ELFN1: variants seen among roughly 807,000 people sequenced by gnomAD.
ELFN1 encodes protein ELFN1.
ELFN1 carries 6 observed loss-of-function variants against 7.6 expected under a neutral mutation model. The observed-to-expected ratio is 0.79, with a 90% CI of 0.43 to 1.56. ELFN1 has a LOEUF of 1.56. Among genes scored for constraint, ELFN1 ranks in the 40% most tolerant of loss-of-function variants. The pLI, the probability that ELFN1 is intolerant of heterozygous loss-of-function variation, is 0.01. For missense variants in ELFN1, 1,169 were observed against 1,232.2 expected (o/e 0.95, Z 0.77); for synonymous variants, 657 against 588.1 (o/e 1.12, Z -1.70).
At position 1,746,083 on chromosome 7, in the gene ELFN1, G is replaced by A. The variant is rs749120379; in HGVS notation, c.1487G>A (p.Arg496His). ...GPLLGPEAVT[R>H]IPYLPAAGEV... is the part of the protein sequence containing the mutation. Reference sequence around the variant, plus strand: ...CTGCTGGGCCCCGAGGCCGTGACGCGCATCCCTTACCTGCCTGCGGCCGGC... The same window carrying A: ...CTGCTGGGCCCCGAGGCCGTGACGCACATCCCTTACCTGCCTGCGGCCGGC... The change falls in exon 4 of 4, where the codon CGC becomes CAC. Residue 496 changes from arginine (R) to histidine (H), a missense_variant. Physicochemically the swap from Arg to His is conservative, Grantham distance 29 (BLOSUM62 0). Coordinates refer to ENST00000424383, the MANE Select transcript of ELFN1 (RefSeq NM_001128636.4). 1.4e-5 allele frequency: 22 copies of A among 1,546,964 alleles called. No individual in the cohort carries two copies. The highest frequency in any genetic ancestry group is 4.9e-5 in the East Asian group (2 of 40,796).
In ELFN1 at chr7:1,673,695, TC is replaced by T. The variant is rs1388282942; in HGVS notation, c.-549+3345del. On this transcript the variant is annotated intron_variant, in intron 1 of 3. Transcript: ENST00000424383. This position sits in a 1 kb window ranked among gnomAD's most constrained non-coding sequence, Gnocchi z 4.7. ...GAGCCTGGCTGCCTTGGAGCTGGCA[TC>T]CCCAGATGGAAAGACAATGGTCTCA... is the stretch of plus-strand genomic sequence containing the variant. Among the ~76,000 whole-genome samples, 2 of 152,146 alleles carry T rather than the reference TC, an allele frequency of 1.3e-5. No individual in the cohort carries two copies. Among genetic ancestry groups the T allele is most frequent in the Non-Finnish European group, 2.9e-5 (2 of 68,000 alleles).
At chr7:1,697,262 ATGGACAC>A (rs1779336491) in intron 2 of ELFN1, among the ~76,000 whole-genome samples, 1 of 152,168 alleles carries the variant, frequency 6.6e-6, no homozygotes, top group Non-Finnish European at 1.5e-5. Context: ...ATTCCCATCC[ATGGACAC>A]GCACAGGGCC....
At chr7:1,741,893 C>A (rs554935653) in intron 3 of ELFN1, among the ~76,000 whole-genome samples, 1 of 152,198 alleles carries the variant, frequency 6.6e-6, no homozygotes, top group Admixed American at 6.5e-5. Flanking sequence ...CTGCCCAGGG[C>A]CCCAGTGAGC....
At chr7:1,727,522 A>G (rs1368122244) in intron 3 of ELFN1, among the ~76,000 whole-genome samples, 1 of 152,112 alleles carries the variant, frequency 6.6e-6, no homozygotes, top group Non-Finnish European at 1.5e-5. Flanking sequence ...GGTAGCCCCA[A>G]GCTGTCTCCC....
intron 3 of ELFN1, among the ~76,000 whole-genome samples, chr7:1,711,592 GA>G: frequency 1.4e-5 from 2 of 145,392 alleles, no homozygotes; most frequent in South Asian, 4.4e-4. Context: ...GAGAGAGAGA[GA>G]GAGAGAGAGA....
intron 2 of ELFN1, among the ~76,000 whole-genome samples, chr7:1,703,635 T>C (rs1779472119): frequency 6.6e-6 from 1 of 152,162 alleles, no homozygotes; most frequent in Admixed American, 6.5e-5. Context: ...GTCTCTGGGC[T>C]CAGCTTCCTC....
intron 1 of ELFN1, among the ~76,000 whole-genome samples, chr7:1,679,121 C>T (rs911587418): frequency 6.6e-6 from 1 of 152,098 alleles, no homozygotes; most frequent in Non-Finnish European, 1.5e-5. Context: ...AGAGCCCACC[C>T]CCCACATACA....
At chr7:1,688,198 TTA>T (rs1168398037) in intron 2 of ELFN1, 48 bp downstream of exon 2, 1 of 152,126 alleles carries the variant, frequency 6.6e-6, no homozygotes, top group Admixed American at 6.5e-5. Flanking sequence ...GTTGCATTCT[TTA>T]TATGTTTGTA....
At chr7:1,700,792 C>G (rs1779410250) in intron 2 of ELFN1, among the ~76,000 whole-genome samples, 1 of 152,248 alleles carries the variant, frequency 6.6e-6, no homozygotes, top group Non-Finnish European at 1.5e-5. Context: ...TGCTTGAAGC[C>G]TCGCCGGTCT....
intron 3 of ELFN1, chr7:1,742,310 C>G (rs560193464): frequency 6.6e-6 from 1 of 152,276 alleles, no homozygotes; most frequent in Non-Finnish European, 1.5e-5. Flanking sequence ...TGGCCAGACC[C>G]GCCCTTCCGG....
chr7:1,703,807 C>T (rs1299940713), intron 2 of ELFN1, among the ~76,000 whole-genome samples: 1 of 152,218 alleles, frequency 6.6e-6, no homozygotes, highest in African/African-American at 2.4e-5. Flanking sequence ...TAGCTACATC[C>T]AGTGTAACCT....
At chr7:1,711,856 C>T (rs1176762964) in intron 3 of ELFN1, among the ~76,000 whole-genome samples, 1 of 152,178 alleles carries the variant, frequency 6.6e-6, no homozygotes, top group Non-Finnish European at 1.5e-5. Flanking sequence ...ACAGGGCAGT[C>T]TGGGGGAGGG....
chr7:1,709,303 G>A (rs570291429), intron 3 of ELFN1, 51 bp downstream of exon 3: 46 of 152,396 alleles, frequency 3.0e-4, no homozygotes, highest in African/African-American at 1.1e-3. Flanking sequence ...TGCAGAGAAG[G>A]GGGACAGGAA....
chr7:1,689,807 G>A (rs1341047664), intron 2 of ELFN1, among the ~76,000 whole-genome samples: 2 of 152,176 alleles, frequency 1.3e-5, no homozygotes, highest in African/African-American at 4.8e-5. Flanking sequence ...CTGAAGCAGA[G>A]CCAATGGGGA....
At chr7:1,670,270 G>A (rs1199223230), upstream of ELFN1, among the ~76,000 whole-genome samples, 1 of 151,864 alleles carries the variant, frequency 6.6e-6, no homozygotes, top group Admixed American at 6.5e-5. This position sits in a 1 kb window ranked among gnomAD's most constrained non-coding sequence, Gnocchi z 6.4. Context: ...AGCTGGGGAG[G>A]AATTTCAATC....
rs868240549 is a variant in ELFN1, at chr7:1,744,917, G to A, written c.321G>A (p.Gln107=). 4 of 1,553,382 alleles carry A rather than the reference G, an allele frequency of 2.6e-6. No individual in the cohort carries two copies. Among genetic ancestry groups the A allele is most frequent in the Middle Eastern group, 1.7e-4 (1 of 5,992 alleles). The change falls in exon 4 of 4, where the codon CAG becomes CAA. Residue 107 remains glutamine (Q), a synonymous_variant. Coordinates refer to ENST00000424383, the MANE Select transcript of ELFN1 (RefSeq NM_001128636.4). The part of the protein sequence containing the change: ...GYIEDGAFSG[Q]FNLQVLQLGY... Reference sequence around the variant, plus strand: ...TCGAGGACGGCGCCTTCTCGGGCCAGTTCAACCTGCAGGTGCTGCAGCTGG... The same window carrying A: ...TCGAGGACGGCGCCTTCTCGGGCCAATTCAACCTGCAGGTGCTGCAGCTGG...
chr7:1,686,803 C>T (rs541696973), intron 1 of ELFN1, among the ~76,000 whole-genome samples: 50 of 152,164 alleles, frequency 3.3e-4, no homozygotes, highest in African/African-American at 1.2e-3. Flanking sequence ...ATGTGTGGTA[C>T]CCATCCACTG....
chr7:1,692,808 A>G (rs922610283), intron 2 of ELFN1: 5 of 158,724 alleles, frequency 3.2e-5, no homozygotes, highest in Admixed American at 1.8e-4. Flanking sequence ...TATTTCCTTC[A>G]TCGGAAACTA....
At chr7:1,687,180 C>G (rs1389603970) in intron 1 of ELFN1, among the ~76,000 whole-genome samples, 1 of 152,164 alleles carries the variant, frequency 6.6e-6, no homozygotes, top group Non-Finnish European at 1.5e-5. Context: ...CAGATTCCCC[C>G]TGTCTTAGCC....
Sources: gnomAD v4.1 joint callset for allele counts (sites outside exome capture counted in the v4.1 genomes callset) on GRCh38, gnomAD v4.1.1 for gene constraint, Gnocchi (gnomAD v3.1) non-coding constraint, MANE v1.5 for transcripts, NCBI Gene and HGNC (gene_info 2026-07-23, HGNC 2026-07-21) for gene names.